The following DSCAM variants were observed in gnomAD, a reference collection of about 807,000 sequenced individuals.
DSCAM encodes DS cell adhesion molecule, also known as cell adhesion molecule DSCAM.
A neutral mutation model predicts 217.7 loss-of-function variants in DSCAM; 47 were observed. The ratio of observed to expected loss-of-function variants is 0.22; its 90% CI spans 0.17 to 0.28. The LOEUF (loss-of-function observed/expected upper bound fraction) is 0.28. DSCAM is among the 10% of genes least tolerant of loss of function. The pLI is 1.00. For synonymous variants in DSCAM, 1,056 were observed against 1,015.3 expected (o/e 1.04, Z -0.76); for missense variants, 2,080 against 2,618.3 (o/e 0.79, Z 4.49).
At chr21:40,422,298 A>G (rs1038240469) in intron 3 of DSCAM, among the ~76,000 whole-genome samples, 1 of 152,166 alleles carries the variant, frequency 6.6e-6, no homozygotes, top group Non-Finnish European at 1.5e-5. Context: ...ACATATTTGG[A>G]TATTTTAATT....
intron 3 of DSCAM, among the ~76,000 whole-genome samples, chr21:40,495,185 A>C (rs1033799638): frequency 5.4e-4 from 82 of 152,166 alleles, no homozygotes; most frequent in African/African-American, 1.9e-3. Flanking sequence ...TCTTCCCCAA[A>C]TTATTTTAAA....
chr21:40,822,318 CAAAAAAAAAAAAAAA>C (rs61569827), intron 1 of DSCAM, among the ~76,000 whole-genome samples: 2 of 57,832 alleles, frequency 3.5e-5, no homozygotes, highest in Admixed American at 2.9e-4. Flanking sequence ...GATCTTTTCT[CAAAAAAAAAAAAAAA>C]AAAAAAAAAA....
intron 3 of DSCAM, among the ~76,000 whole-genome samples, chr21:40,472,055 G>A (rs1249609153): frequency 1.3e-5 from 2 of 152,044 alleles, no homozygotes; most frequent in African/African-American, 4.8e-5. Flanking sequence ...TTGGTTTTTT[G>A]TCCAAAACAG....
At chr21:40,031,475 T>G (rs2088523036) in intron 32 of DSCAM, among the ~76,000 whole-genome samples, 1 of 152,214 alleles carries the variant, frequency 6.6e-6, no homozygotes, top group Admixed American at 6.5e-5. Flanking sequence ...GGTTAATATC[T>G]TAAATTAACA....
In DSCAM at chr21:40,338,384, G is replaced by C. The variant is rs1422000172; in HGVS notation, c.1508-8C>G. ...GTCGAATGCTTGCAGGCCCTGGAGA[G>C]ACACAAAGAAACTCTTGAAAATAAT... On this transcript the variant is annotated splice_polypyrimidine_tract_variant and splice_region_variant and intron_variant, in intron 7 of 32. Transcript: ENST00000400454. 7 of 1,604,648 alleles carry C rather than the reference G, an allele frequency of 4.4e-6. No individual in the cohort carries two copies. Among genetic ancestry groups the C allele is most frequent in the Non-Finnish European group, 6.0e-6 (7 of 1,173,344 alleles).
chr21:40,015,962 A>T (rs559321350), intron 32 of DSCAM, among the ~76,000 whole-genome samples: 1 of 152,302 alleles, frequency 6.6e-6, no homozygotes, highest in South Asian at 2.1e-4. Context: ...ACAGGCAGAC[A>T]AGGGGTATTT....
chr21:40,261,241 A>G (rs1420026134), intron 11 of DSCAM, among the ~76,000 whole-genome samples: 1 of 152,148 alleles, frequency 6.6e-6, no homozygotes, highest in African/African-American at 2.4e-5. Context: ...TCACAGTGAA[A>G]CTTAACCACA....
At chr21:40,271,826 C>T (rs1329179214) in intron 11 of DSCAM, among the ~76,000 whole-genome samples, 1 of 152,166 alleles carries the variant, frequency 6.6e-6, no homozygotes, top group Admixed American at 6.5e-5. Context: ...TATAACTGAA[C>T]GTTCCCCTCT....
intron 3 of DSCAM, among the ~76,000 whole-genome samples, chr21:40,652,876 T>G (rs1222467397): frequency 6.6e-6 from 1 of 152,164 alleles, no homozygotes; most frequent in Non-Finnish European, 1.5e-5. Context: ...GCTGTGTCAG[T>G]TGAACCTCTG....
intron 3 of DSCAM, among the ~76,000 whole-genome samples, chr21:40,535,472 A>T (rs2076488131): frequency 6.6e-6 from 1 of 152,216 alleles, no homozygotes; most frequent in African/African-American, 2.4e-5. Flanking sequence ...ACCAATCAGG[A>T]TGTAAGAGTC....
At chr21:40,585,327 A>T (rs2076937084) in intron 3 of DSCAM, among the ~76,000 whole-genome samples, 1 of 55,634 alleles carries the variant, frequency 1.8e-5, no homozygotes, top group Admixed American at 2.5e-4. Context: ...GTGTTAAAGA[A>T]AAATGCTGCG....
At chr21:40,574,511 A>C (rs2076833357) in intron 3 of DSCAM, among the ~76,000 whole-genome samples, 2 of 152,218 alleles carry the variant, frequency 1.3e-5, no homozygotes, top group Non-Finnish European at 2.9e-5. Context: ...TACAAATAAC[A>C]TGATATCTAA....
chr21:40,791,231 A>G (rs2091639956), intron 1 of DSCAM, among the ~76,000 whole-genome samples: 2 of 152,276 alleles, frequency 1.3e-5, no homozygotes, highest in South Asian at 2.1e-4. Flanking sequence ...TCTCCAAGCC[A>G]TCACGTGGAC....
chr21:40,483,013 C>T (rs2075995695), intron 3 of DSCAM, among the ~76,000 whole-genome samples: 1 of 152,136 alleles, frequency 6.6e-6, no homozygotes, highest in Non-Finnish European at 1.5e-5. Context: ...ATTTGACTTG[C>T]TTTTTATATA....
chr21:40,059,330 C>T (rs1568918625), intron 28 of DSCAM, among the ~76,000 whole-genome samples: 2 of 152,200 alleles, frequency 1.3e-5, no homozygotes, highest in Admixed American at 1.3e-4. Context: ...TTGGAGCAAA[C>T]ACCTCTTAGA....
At chr21:40,062,000 C>G (rs1337355039) in intron 28 of DSCAM, among the ~76,000 whole-genome samples, 2 of 152,164 alleles carry the variant, frequency 1.3e-5, no homozygotes, top group Non-Finnish European at 2.9e-5. Context: ...GCCTAAAATG[C>G]AAATATCAGG....
At position 40,144,849 on chromosome 21, in the gene DSCAM, G is replaced by C. The variant is rs1601380774; in HGVS notation, c.3019-118C>G. 6.9e-7 allele frequency: 1 copy of C among 1,450,434 alleles called. No individual in the cohort carries two copies. The highest frequency in any genetic ancestry group is 1.4e-5 in the African/African-American group (1 of 70,834). 89.8% of individuals were successfully genotyped at this position (1,450,434 alleles called of 1,614,324 possible). On this transcript the variant is annotated intron_variant, in intron 16 of 32. Coordinates refer to ENST00000400454, the MANE Select transcript of DSCAM (RefSeq NM_001389.5). The surrounding 1 kb of genome is among the most constrained non-coding windows in gnomAD (Gnocchi z 4.8). ...AGTGGAGTCATCGCCACGATGCTGG[G>C]GCGGTGGTCCGGTAGCAGCCGCAAA...
intron 6 of DSCAM, among the ~76,000 whole-genome samples, chr21:40,342,600 G>C (rs2074505157): frequency 7.4e-6 from 1 of 134,552 alleles, no homozygotes; most frequent in Non-Finnish European, 1.5e-5. Context: ...GGTACATATA[G>C]TATGTGTATA....
chr21:40,495,421 A>G (rs1017332187), intron 3 of DSCAM, among the ~76,000 whole-genome samples: 9 of 152,196 alleles, frequency 5.9e-5, no homozygotes, highest in African/African-American at 1.7e-4. Flanking sequence ...CATTACCACA[A>G]TGAAGGGGAA....
Sources: gnomAD v4.1 joint callset for allele counts (sites outside exome capture counted in the v4.1 genomes callset) on GRCh38, gnomAD v4.1.1 for gene constraint, Gnocchi (gnomAD v3.1) non-coding constraint, MANE v1.5 for transcripts, NCBI Gene and HGNC (gene_info 2026-07-23, HGNC 2026-07-21) for gene names.